AKAP13: variants seen among roughly 807,000 people sequenced by gnomAD.
AKAP13 encodes the protein A-kinase anchoring protein 13, also known as A-kinase anchor protein 13.
In AKAP13, 80 loss-of-function variants were observed where a neutral mutation model predicts 264.5. The ratio of observed to expected loss-of-function variants is 0.30; its 90% CI spans 0.25 to 0.36. The LOEUF is 0.36. Ranked by LOEUF, AKAP13 falls within the 10% of genes least tolerant of loss-of-function variation. The pLI is 1.00. For missense variants in AKAP13, 3,712 were observed against 3,435.2 expected (o/e 1.08, Z -2.01); for synonymous variants, 1,380 against 1,250.2 (o/e 1.10, Z -2.19).
Position 85,408,835 on chromosome 15 carries a change from T to C in AKAP13, c.-12+28037T>C, listed in dbSNP as rs777682287. Among the ~76,000 whole-genome samples the C allele has an allele frequency of 3.0e-4, 46 of 151,836 alleles. 1 individual carries two copies. The highest frequency in any genetic ancestry group is 6.3e-4 in the Non-Finnish European group (43 of 68,044). On this transcript the variant is annotated intron_variant, in intron 1 of 36. Transcript: ENST00000394518. ...TCCCTGCTTTCAGTTCTTTGGCGTA[T>C]GTACCCAGAGGTGGACTTGCTGGAT...
At chr15:85,588,658 TCTC>T (rs1299578958) in intron 8 of AKAP13, among the ~76,000 whole-genome samples, 2 of 152,330 alleles carry the variant, frequency 1.3e-5, no homozygotes, top group Admixed American at 6.5e-5. Flanking sequence ...CCTTTCCTCT[TCTC>T]CTTTTTTCTC....
intron 9 of AKAP13, among the ~76,000 whole-genome samples, chr15:85,641,585 A>G (rs1294005845): frequency 6.6e-6 from 1 of 151,746 alleles, no homozygotes; most frequent in Admixed American, 6.6e-5. Context: ...TCCCAGGTTC[A>G]CACCATTCTC....
intron 8 of AKAP13, among the ~76,000 whole-genome samples, chr15:85,595,351 A>G (rs2079771831): frequency 1.3e-5 from 2 of 152,070 alleles, no homozygotes; most frequent in Admixed American, 6.6e-5. Flanking sequence ...CTCCCACCTC[A>G]GCCTCCCAAA....
chr15:85,717,920 T>G, intron 21 of AKAP13, 87 bp from the exon 22 acceptor site: 1 of 1,319,694 alleles, frequency 7.6e-7, no homozygotes, highest in Non-Finnish European at 1.1e-6. Context: ...TCTTATGAAA[T>G]CAACTATCAT....
At chr15:85,485,793 C>G (rs76016752) in intron 2 of AKAP13, 40 bp downstream of exon 2, 39,757 of 1,594,416 alleles carry the variant, frequency 0.025, 515 homozygotes, top group Non-Finnish European at 0.03. Context: ...TTGTGTTTAT[C>G]TGTTCTGCTT....
At chr15:85,387,262 G>C (rs1156438412) in intron 1 of AKAP13, among the ~76,000 whole-genome samples, 1 of 152,066 alleles carries the variant, frequency 6.6e-6, no homozygotes, top group Non-Finnish European at 1.5e-5. Context: ...CTTTAGCCCG[G>C]GAGATGGAGG....
At chr15:85,721,707 C>T (rs748792311) in intron 23 of AKAP13, among the ~76,000 whole-genome samples, 1 of 152,130 alleles carries the variant, frequency 6.6e-6, no homozygotes, top group Non-Finnish European at 1.5e-5. Flanking sequence ...TTGCATTTTC[C>T]GTGTGCACAG....
rs928149742 is a variant in AKAP13 at position 85,569,894 on chromosome 15, G to T, written c.663-5237G>T. On this transcript the variant is annotated intron_variant, in intron 5 of 36. Transcript: ENST00000394518. ...AGATCAAGACCATCCTGGCTAACAT[G>T]GTGAAACCCCGTTGCTACTAAAAAT... Among the ~76,000 whole-genome samples, 6 of 151,806 alleles carry T rather than the reference G, an allele frequency of 4.0e-5. No individual in the cohort carries two copies. The East Asian group carries it at 1.0e-3, about 25-fold the overall frequency.
chr15:85,613,866 A>G (rs1056731231), intron 8 of AKAP13, among the ~76,000 whole-genome samples: 8 of 151,454 alleles, frequency 5.3e-5, no homozygotes, highest in African/African-American at 1.2e-4. Flanking sequence ...TAGGTTCACT[A>G]TACTCTCTTA....
intron 1 of AKAP13, among the ~76,000 whole-genome samples, chr15:85,446,204 G>A (rs2073893458): frequency 6.6e-6 from 1 of 152,120 alleles, no homozygotes; most frequent in Non-Finnish European, 1.5e-5. Context: ...TTGAAGTTGT[G>A]GGGCAGTTGA....
chr15:85,429,957 C>T (rs975193419), intron 1 of AKAP13, among the ~76,000 whole-genome samples: 1 of 152,156 alleles, frequency 6.6e-6, no homozygotes, highest in Non-Finnish European at 1.5e-5. Context: ...GGCTGATTCA[C>T]CATGTTTAGT....
chr15:85,733,388 A>G (rs191921346), intron 30 of AKAP13, among the ~76,000 whole-genome samples: 2 of 152,282 alleles, frequency 1.3e-5, no homozygotes, highest in East Asian at 1.9e-4. Flanking sequence ...CTAGATGCCC[A>G]AAGGATTTTT....
chr15:85,525,058 A>T (rs866165042), intron 3 of AKAP13, among the ~76,000 whole-genome samples: 1,457 of 129,484 alleles, frequency 0.011, 34 homozygotes, highest in African/African-American at 0.04. Context: ...CTATCTTTAA[A>T]TTTTTTTTTT....
At chr15:85,719,348 G>A in intron 23 of AKAP13, 22 bp downstream of exon 23, 1 of 1,612,964 alleles carries the variant, frequency 6.2e-7, no homozygotes, top group Non-Finnish European at 8.5e-7. Context: ...AAGGATCTCA[G>A]GTTCTTACAT....
intron 1 of AKAP13, among the ~76,000 whole-genome samples, chr15:85,439,971 AAAAAATAAT>A (rs984990825): frequency 3.8e-5 from 5 of 129,934 alleles, no homozygotes; most frequent in African/African-American, 1.2e-4. Context: ...AAAGTATAAT[AAAAAATAAT>A]AATAATAATA....
intron 8 of AKAP13, among the ~76,000 whole-genome samples, chr15:85,618,625 G>A (rs901544740): frequency 1.3e-5 from 2 of 152,086 alleles, no homozygotes; most frequent in African/African-American, 2.4e-5. Flanking sequence ...TAGATAGAGT[G>A]GGGGGCTAGA....
intron 2 of AKAP13, among the ~76,000 whole-genome samples, chr15:85,512,002 C>T (rs2076439407): frequency 6.6e-6 from 1 of 151,988 alleles, no homozygotes. Flanking sequence ...TTTAACACCC[C>T]CTCACCCCCC....
chr15:85,490,765 T>C (rs2075698927), intron 2 of AKAP13, among the ~76,000 whole-genome samples: 1 of 152,188 alleles, frequency 6.6e-6, no homozygotes, highest in Non-Finnish European at 1.5e-5. Context: ...GATTTAGCCA[T>C]GAACAAAACA....
intron 1 of AKAP13, among the ~76,000 whole-genome samples, chr15:85,399,519 A>AAATAAATAAAT (rs2071303101): frequency 8.0e-6 from 1 of 124,578 alleles, no homozygotes; most frequent in African/African-American, 3.3e-5. Context: ...AAAAAAAAAA[A>AAATAAATAAAT]AAATAAAAAA....
Sources: gnomAD v4.1 joint callset for allele counts (sites outside exome capture counted in the v4.1 genomes callset) on GRCh38, gnomAD v4.1.1 for gene constraint, MANE v1.5 for transcripts, NCBI Gene and HGNC (gene_info 2026-07-23, HGNC 2026-07-21) for gene names.